The following ERN1 variants were observed in gnomAD, a reference collection of about 807,000 sequenced individuals.
The protein encoded by ERN1 is endoplasmic reticulum to nucleus signaling 1, also known as serine/threonine-protein kinase/endoribonuclease IRE1.
Under a neutral mutation model 113.1 loss-of-function variants are expected in ERN1, and 39 were observed. The ratio of observed to expected loss-of-function variants is 0.34; its 90% CI spans 0.27 to 0.45. The LOEUF (loss-of-function observed/expected upper bound fraction) is 0.45, where lower values mean the gene tolerates loss of function less well. Ranked by LOEUF, ERN1 falls within the 20% of genes least tolerant of loss-of-function variation. The pLI is 1.00. For missense variants in ERN1, 976 were observed against 1,274.8 expected, an observed-to-expected ratio of 0.77 and a Z score of 3.57; for synonymous variants, 507 against 515.9, an observed-to-expected ratio of 0.98 and a Z score of 0.23.
At chr17:64,066,472 A>G (rs1913228391) in intron 8 of ERN1, among the ~76,000 whole-genome samples, 199 bp downstream of exon 8, 1 of 152,124 alleles carries the variant, frequency 6.6e-6, no homozygotes, top group African/African-American at 2.4e-5. Flanking sequence ...GTAATATTTA[A>G]TAACTCTGAA....
intron 5 of ERN1, 137 bp from the exon 6 acceptor site, chr17:64,072,240 A>G: frequency 2.3e-6 from 2 of 876,802 alleles, no homozygotes; most frequent in African/African-American, 1.7e-5. Context: ...GTGATGATAT[A>G]AATGGTAATG....
At chr17:64,072,680 C>T (rs548310093) in intron 5 of ERN1, among the ~76,000 whole-genome samples, 42 of 152,364 alleles carry the variant, frequency 2.8e-4, no homozygotes, top group Non-Finnish European at 5.7e-4. Context: ...GTAAGTAATT[C>T]CCTGGCCTCG....
Position 64,054,849 on chromosome 17 carries a change from G to T in ERN1, c.1673-21C>A, listed in dbSNP as rs1338535532. On this transcript the variant is annotated intron_variant, in intron 13 of 21. Coordinates refer to ENST00000433197, the MANE Select transcript of ERN1 (RefSeq NM_001433.5). This position sits in a 1 kb window ranked among gnomAD's most constrained non-coding sequence, Gnocchi z 4.9. Reference sequence around the variant, plus strand: ...CTCATCTGGGACAAAATAGGAAAAAGAGATTGTTTCAAACAGATATCACCT... The same window carrying T: ...CTCATCTGGGACAAAATAGGAAAAATAGATTGTTTCAAACAGATATCACCT... 2 of 1,562,624 alleles carry T rather than the reference G, an allele frequency of 1.3e-6. No individual in the cohort carries two copies. Among genetic ancestry groups the T allele is most frequent in the East Asian group, 4.5e-5 (2 of 44,034 alleles).
At chr17:64,108,083 G>A (rs1914576821) in intron 1 of ERN1, among the ~76,000 whole-genome samples, 1 of 152,006 alleles carries the variant, frequency 6.6e-6, no homozygotes, top group Non-Finnish European at 1.5e-5. Context: ...AAACTAAGCA[G>A]CTGAGAGAGT....
chr17:64,109,786 G>A (rs1914625602), intron 1 of ERN1, among the ~76,000 whole-genome samples: 1 of 152,146 alleles, frequency 6.6e-6, no homozygotes, highest in Admixed American at 6.6e-5. Context: ...TGGAACCAAG[G>A]TCTCCGCCTC....
intron 1 of ERN1, among the ~76,000 whole-genome samples, chr17:64,126,187 C>T (rs1164384560): frequency 6.6e-6 from 1 of 152,136 alleles, no homozygotes; most frequent in African/African-American, 2.4e-5. Flanking sequence ...AATCATATTC[C>T]TAGGTTACAA....
chr17:64,101,893 C>T (rs956644352), intron 1 of ERN1, among the ~76,000 whole-genome samples: 1 of 152,162 alleles, frequency 6.6e-6, no homozygotes, highest in Admixed American at 6.5e-5. Context: ...CTAGTGGAAG[C>T]ACTAGTGGAA....
At chr17:64,048,422 C>G (rs148476367) in intron 18 of ERN1, among the ~76,000 whole-genome samples, 17 of 152,272 alleles carry the variant, frequency 1.1e-4, no homozygotes, top group Non-Finnish European at 1.9e-4. Context: ...GTATCAATAG[C>G]CATCATTCAT....
At chr17:64,119,956 A>G (rs1914913705) in intron 1 of ERN1, among the ~76,000 whole-genome samples, 1 of 150,898 alleles carries the variant, frequency 6.6e-6, no homozygotes. Flanking sequence ...GGGGTCTTTC[A>G]TTGTTGCCCA....
At chr17:64,047,360 T>A (rs1176271633) in intron 19 of ERN1, among the ~76,000 whole-genome samples, 1 of 151,864 alleles carries the variant, frequency 6.6e-6, no homozygotes, top group African/African-American at 2.4e-5. Flanking sequence ...AAACGCTGTC[T>A]CAAAAAAAAT....
intron 1 of ERN1, among the ~76,000 whole-genome samples, chr17:64,122,895 C>A (rs1206413790): frequency 1.3e-5 from 2 of 151,918 alleles, no homozygotes; most frequent in Non-Finnish European, 2.9e-5. Flanking sequence ...TTTCAATAAC[C>A]CGTAAATTCA....
At chr17:64,061,680 G>A (rs560017301) in intron 10 of ERN1, among the ~76,000 whole-genome samples, 2 of 152,306 alleles carry the variant, frequency 1.3e-5, no homozygotes, top group South Asian at 4.1e-4. Flanking sequence ...TTGGGAGCAG[G>A]ATTTCTCCAC....
Position 64,055,679 on chromosome 17 carries a change from A to G in ERN1, c.1668T>C (p.Asp556=). 6.3e-7 allele frequency: 1 copy of G among 1,581,340 alleles called. No individual in the cohort carries two copies. Among genetic ancestry groups the G allele is most frequent in the Non-Finnish European group, 8.6e-7 (1 of 1,164,102 alleles). ...CAAGATGGCAACTGGCTTTACCTCC[A>G]TCGTCTTGTTCCAGGGAGGGGCTGC... is the stretch of plus-strand genomic sequence containing the variant. ...AGSSPSLEQD[D]GDEETSVVIV... The change falls in exon 13 of 22, where the codon GAT becomes GAC. Residue 556 remains aspartate (D), a synonymous_variant. Coordinates refer to ENST00000433197, the MANE Select transcript of ERN1 (RefSeq NM_001433.5).
rs1333446803 is a variant in ERN1 at position 64,042,032 on chromosome 17, G to A, written c.*1956C>T. 3 of 152,210 alleles carry A rather than the reference G, an allele frequency of 2.0e-5. No homozygotes were observed. Among genetic ancestry groups the A allele is most frequent in the Admixed American group, 1.3e-4 (2 of 15,280 alleles). 9.4% of individuals were successfully genotyped at this position (152,210 alleles called of 1,614,324 possible). A position where few individuals can be genotyped will look rare whatever the true frequency, so the allele number is the denominator to read the frequency against. On this transcript the variant is annotated 3_prime_UTR_variant, in exon 22 of 22. Transcript: ENST00000433197. ...CTGTGCTGAGAACGAGCTGGGCTGG[G>A]GGCACTCCCTGTGGCAGGCCTGTTA...
intron 1 of ERN1, among the ~76,000 whole-genome samples, chr17:64,121,994 A>G (rs903617133): frequency 1.3e-5 from 2 of 152,354 alleles, no homozygotes; most frequent in Admixed American, 6.5e-5. Context: ...TGAAGCTTAC[A>G]AGAAAGCCTA....
At chr17:64,096,886 C>G (rs552003396) in intron 2 of ERN1, among the ~76,000 whole-genome samples, 1 of 152,310 alleles carries the variant, frequency 6.6e-6, no homozygotes, top group Non-Finnish European at 1.5e-5. Context: ...TGAAGATGCC[C>G]TGCCTGGGAA....
chr17:64,054,199 C>T lies in ERN1; in HGVS notation c.1953+51G>A, dbSNP rs1912778352. On this transcript the variant is annotated intron_variant, in intron 15 of 21. Transcript: ENST00000433197. The surrounding 1 kb of genome is among the most constrained non-coding windows in gnomAD (Gnocchi z 4.9). ...ACGTGATCTGCTCACTTTGGCCTCC[C>T]AAAGTGCTATGACTTTAATAAAGTT... 2.7e-6 allele frequency: 4 copies of T among 1,507,090 alleles called. No individual in the cohort carries two copies. Among genetic ancestry groups the T allele is most frequent in the Non-Finnish European group, 3.6e-6 (4 of 1,116,740 alleles). 93.4% of individuals were successfully genotyped at this position (1,507,090 alleles called of 1,614,324 possible).
At chr17:64,069,635 A>T (rs762362179) in intron 6 of ERN1, among the ~76,000 whole-genome samples, 2 of 152,174 alleles carry the variant, frequency 1.3e-5, no homozygotes, top group African/African-American at 4.8e-5. Context: ...CCAATGTGTG[A>T]TATGTGTCTC....
At chr17:64,078,748 T>C (rs1913675879) in intron 4 of ERN1, among the ~76,000 whole-genome samples, 1 of 152,192 alleles carries the variant, frequency 6.6e-6, no homozygotes, top group Non-Finnish European at 1.5e-5. Flanking sequence ...CTCACGTCTG[T>C]AATCCCAGCA....
Sources: gnomAD v4.1 joint callset for allele counts (sites outside exome capture counted in the v4.1 genomes callset) on GRCh38, gnomAD v4.1.1 for gene constraint, Gnocchi (gnomAD v3.1) non-coding constraint, MANE v1.5 for transcripts, NCBI Gene and HGNC (gene_info 2026-07-23, HGNC 2026-07-21) for gene names.